The following SECISBP2 variants were observed in gnomAD, a reference collection of about 807,000 sequenced individuals.
The protein encoded by SECISBP2 is selenocysteine insertion sequence-binding protein 2.
SECISBP2 carries 96 observed loss-of-function variants against 98.2 expected under a neutral mutation model. That is an observed-to-expected ratio of 0.98 (90% CI 0.83 to 1.16). The LOEUF is 1.16. Among genes scored for constraint, SECISBP2 ranks in the 50% most tolerant of loss-of-function variants. SECISBP2 has a pLI of 0.00. For synonymous variants in SECISBP2, 407 were observed against 370.2 expected, an observed-to-expected ratio of 1.10 and a Z score of -1.14; for missense variants, 1,046 against 1,022.9, an observed-to-expected ratio of 1.02 and a Z score of -0.31.
In SECISBP2 at chr9:89,359,433, A is replaced by G. The variant is rs1453492605; in HGVS notation, c.*609A>G. ...TGGTTTTCTAACCTGTGACTTTTTG[A>G]AATGAATTATTCCTTTCAGTCTTTA... On this transcript the variant is annotated 3_prime_UTR_variant, in exon 17 of 17. Coordinates refer to ENST00000375807, the MANE Select transcript of SECISBP2 (RefSeq NM_024077.5). 1 of 155,356 alleles carries G rather than the reference A, an allele frequency of 6.4e-6. No individual in the cohort carries two copies. Among genetic ancestry groups the G allele is most frequent in the Non-Finnish European group, 1.4e-5 (1 of 69,744 alleles). The allele number at this position is 155,356 out of a possible 1,614,324, so 9.6% of individuals were successfully genotyped here. A position where few individuals can be genotyped will look rare whatever the true frequency, so the allele number is the denominator to read the frequency against.
At chr9:89,347,944 G>A (rs765173751) in intron 11 of SECISBP2, 135 bp from the exon 12 acceptor site, 18 of 823,484 alleles carry the variant, frequency 2.2e-5, no homozygotes, top group Middle Eastern at 3.4e-4. Context: ...CTGGAGTCTG[G>A]GGAGCACTTG....
chr9:89,327,812 G>GTT lies in SECISBP2; in HGVS notation c.575-833_575-832dup, dbSNP rs555623897. Among the ~76,000 whole-genome samples the GTT allele has an allele frequency of 2.3e-3, 312 of 136,844 alleles. 3 individuals carry two copies. In the South Asian group the frequency reaches 0.032, roughly 14 times the overall value. 89.8% of individuals were successfully genotyped at this position (136,844 alleles called of 152,430 possible). ...TTAAGTTTTTCTTTTGTCGTTTTGT[G>GTT]TTTTTTTTTTTTTTTTGAGACAGAG... is the stretch of plus-strand genomic sequence containing the variant. On this transcript the variant is annotated intron_variant, in intron 4 of 16. Coordinates refer to ENST00000375807, the MANE Select transcript of SECISBP2 (RefSeq NM_024077.5).
At chr9:89,356,116 G>A (rs887643294) in intron 14 of SECISBP2, among the ~76,000 whole-genome samples, 1 of 152,236 alleles carries the variant, frequency 6.6e-6, no homozygotes, top group African/African-American at 2.4e-5. Context: ...CACAGCAGGA[G>A]GTGAGCATTA....
At position 89,318,552 on chromosome 9, in the gene SECISBP2, C is replaced by G. The variant is rs943782596; in HGVS notation, c.-25C>G. On this transcript the variant is annotated 5_prime_UTR_variant, in exon 1 of 17. Coordinates refer to ENST00000375807, the MANE Select transcript of SECISBP2 (RefSeq NM_024077.5). The stretch of plus-strand genomic sequence containing the variant: ...GACGGCCCGCTGCTGGCCTCCGTGA[C>G]GCGGCCTCCTCCGCGCCTCGCGGCA... The G allele has an allele frequency of 1.3e-6, 2 of 1,509,604 alleles. No homozygotes were observed. Among genetic ancestry groups the G allele is most frequent in the Admixed American group, 2.0e-5 (1 of 48,856 alleles). 93.5% of individuals were successfully genotyped at this position (1,509,604 alleles called of 1,614,324 possible). A position where few individuals can be genotyped will look rare whatever the true frequency, so the allele number is the denominator to read the frequency against.
intron 2 of SECISBP2, 142 bp downstream of exon 2, chr9:89,319,939 A>G (rs1825426793): frequency 2.3e-6 from 2 of 888,646 alleles, no homozygotes; most frequent in Non-Finnish European, 3.6e-6. Flanking sequence ...AGTCTGAGCC[A>G]GTAGCACAAC....
Position 89,346,875 on chromosome 9 carries a change from G to A in SECISBP2, c.1436-7G>A, listed in dbSNP as rs761581864. The A allele has an allele frequency of 6.2e-6, 10 of 1,613,944 alleles. No homozygotes were observed. The highest frequency in any genetic ancestry group is 3.3e-5 in the Admixed American group (2 of 59,998). ...GACCGTGAGGGCTTTGTCCCACTGC[G>A]TTTCAGTTGGAGCAGTGCCAGTCCT... On this transcript the variant is annotated splice_polypyrimidine_tract_variant and splice_region_variant and intron_variant, in intron 10 of 16. Transcript: ENST00000375807.
Position 89,332,932 on chromosome 9 carries a change from C to A in SECISBP2, c.826C>A (p.Pro276Thr). 6.2e-7 allele frequency: 1 copy of A among 1,613,782 alleles called. No homozygotes were observed. Among genetic ancestry groups the A allele is most frequent in the Non-Finnish European group, 8.5e-7 (1 of 1,179,868 alleles). ...SKGEIVVKNN[P>T]NESVTANAAT... ...GGGTGAAATAGTGGTGAAAAATAAC[C>A]CAAATGAATCTGTAACTGCTAATGC... Residue 276 changes from proline to threonine, a missense_variant, in exon 6 of 17, where the codon CCA (proline) becomes ACA (threonine). Pro to Thr is a conservative substitution (Grantham distance 38). Coordinates refer to ENST00000375807, the MANE Select transcript of SECISBP2 (RefSeq NM_024077.5).
At chr9:89,336,874 C>A (rs1239105075) in intron 7 of SECISBP2, among the ~76,000 whole-genome samples, 1 of 145,230 alleles carries the variant, frequency 6.9e-6, no homozygotes, top group African/African-American at 2.6e-5. Context: ...TGGGTTCAAG[C>A]AATTCTCCTG....
intron 11 of SECISBP2, among the ~76,000 whole-genome samples, chr9:89,347,513 C>T (rs1830604118): frequency 6.9e-6 from 1 of 144,308 alleles, no homozygotes; most frequent in African/African-American, 2.6e-5. Context: ...GCTCTTGTCG[C>T]CCAGGCTGGA....
At chr9:89,350,943 C>A in intron 14 of SECISBP2, 91 bp downstream of exon 14, 1 of 1,064,530 alleles carries the variant, frequency 9.4e-7, no homozygotes, top group Non-Finnish European at 1.5e-6. Context: ...GCGGCCCATG[C>A]CACAGGTCTT....
chr9:89,350,880 T>C (rs773970160), intron 14 of SECISBP2, 28 bp downstream of exon 14: 5 of 1,590,290 alleles, frequency 3.1e-6, no homozygotes, highest in Admixed American at 1.7e-5. Flanking sequence ...TCCTGTGATA[T>C]GTGGGCCCCT....
intron 10 of SECISBP2, among the ~76,000 whole-genome samples, chr9:89,346,538 C>G (rs1176735819): frequency 2.0e-5 from 3 of 148,068 alleles, no homozygotes; most frequent in African/African-American, 7.3e-5. Context: ...TGCAGACCAC[C>G]TAGAACTGTC....
At chr9:89,345,262 C>T (rs933811088) in intron 10 of SECISBP2, among the ~76,000 whole-genome samples, 2 of 152,202 alleles carry the variant, frequency 1.3e-5, no homozygotes, top group African/African-American at 4.8e-5. Context: ...TGCTGCCATG[C>T]CTTCCCCATT....
chr9:89,341,551 C>G, intron 10 of SECISBP2, 72 bp downstream of exon 10: 2 of 1,570,628 alleles, frequency 1.3e-6, no homozygotes, highest in Non-Finnish European at 1.8e-6. Flanking sequence ...TTACCATTTT[C>G]TCTTGTTATC....
chr9:89,350,931 C>T lies in SECISBP2; in HGVS notation c.2113+79C>T, dbSNP rs540485712. Reference sequence around the variant, plus strand: ...GTGCCCTCGTGTTTGCCACACACCTCAGCGGCCCATGCCACAGGTCTTGAC... The same window carrying T: ...GTGCCCTCGTGTTTGCCACACACCTTAGCGGCCCATGCCACAGGTCTTGAC... On this transcript the variant is annotated intron_variant, in intron 14 of 16. Coordinates refer to ENST00000375807, the MANE Select transcript of SECISBP2 (RefSeq NM_024077.5). 34 of 1,202,004 alleles carry T rather than the reference C, an allele frequency of 2.8e-5. No homozygotes were observed. The African/African-American group carries it at 4.2e-4, about 15-fold the overall frequency. The allele number at this position is 1,202,004 out of a possible 1,614,324, so 74.5% of individuals were successfully genotyped here. A position where few individuals can be genotyped will look rare whatever the true frequency, so the allele number is the denominator to read the frequency against.
chr9:89,356,555 C>T (rs1427789415), intron 14 of SECISBP2: 1 of 152,132 alleles, frequency 6.6e-6, no homozygotes, highest in Non-Finnish European at 1.5e-5. Flanking sequence ...AACTCCTGGG[C>T]TCAAGTTACT....
rs138003588 is a variant in SECISBP2, at chr9:89,348,715, C to A, written c.1738+501C>A. 8.4e-3 allele frequency among the ~76,000 whole-genome samples: 1,276 copies of A among 152,378 alleles called. 15 individuals carry two copies. The highest frequency in any genetic ancestry group is 0.03 in the African/African-American group (1,228 of 41,590). The stretch of plus-strand genomic sequence containing the variant: ...AACACAGCCCAGCAATTGCTTGTGC[C>A]CTCTTGTCAGAGGCCTCCCCCAGGA... On this transcript the variant is annotated intron_variant, in intron 12 of 16. Transcript: ENST00000375807.
Position 89,356,207 on chromosome 9 carries a change from T to C in SECISBP2, c.2114-1204T>C, listed in dbSNP as rs112645653. The stretch of plus-strand genomic sequence containing the variant: ...CACAAACTCTGTTGTAAACTGCGCT[T>C]GTGAGGGATCTAGGTTGCCTGCTCC... On this transcript the variant is annotated intron_variant, in intron 14 of 16. Coordinates refer to ENST00000375807, the MANE Select transcript of SECISBP2 (RefSeq NM_024077.5). 6.9e-3 allele frequency among the ~76,000 whole-genome samples: 1,048 copies of C among 152,288 alleles called. 15 individuals are homozygous for C. Among genetic ancestry groups the C allele is most frequent in the African/African-American group, 0.024 (993 of 41,554 alleles).
chr9:89,346,447 C>G (rs760487399), intron 10 of SECISBP2, among the ~76,000 whole-genome samples: 20 of 152,002 alleles, frequency 1.3e-4, no homozygotes, highest in Non-Finnish European at 2.5e-4. Flanking sequence ...CATGCGGAAA[C>G]CAATAGGGCC....
Sources: gnomAD v4.1 joint callset for allele counts (sites outside exome capture counted in the v4.1 genomes callset) on GRCh38, gnomAD v4.1.1 for gene constraint, MANE v1.5 for transcripts, NCBI Gene and HGNC (gene_info 2026-07-23, HGNC 2026-07-21) for gene names.